CSF2RB: variants seen among roughly 807,000 people sequenced by gnomAD.
CSF2RB encodes colony stimulating factor 2 receptor subunit beta.
A neutral mutation model predicts 67.2 loss-of-function variants in CSF2RB; 22 were observed. The observed-to-expected ratio is 0.33, with a 90% CI of 0.23 to 0.47. CSF2RB has a LOEUF of 0.47. CSF2RB is among the 20% of genes least tolerant of loss of function. CSF2RB has a pLI of 1.00. For synonymous variants in CSF2RB, 507 were observed against 482.9 expected (o/e 1.05, Z -0.65); for missense variants, 1,113 against 1,174.5 (o/e 0.95, Z 0.76).
In CSF2RB at chr22:36,938,712, C is replaced by T. The variant is rs1025034097; in HGVS notation, c.*210C>T. 1.0e-5 allele frequency: 6 copies of T among 577,942 alleles called. No homozygotes were observed. The highest frequency in any genetic ancestry group is 1.8e-5 in the Non-Finnish European group (6 of 328,648). The allele number at this position is 577,942 out of a possible 1,614,324, so 35.8% of individuals were successfully genotyped here. A position where few individuals can be genotyped will look rare whatever the true frequency, so the allele number is the denominator to read the frequency against. On this transcript the variant is annotated 3_prime_UTR_variant, in exon 14 of 14. Coordinates refer to ENST00000403662, the MANE Select transcript of CSF2RB (RefSeq NM_000395.3). The stretch of plus-strand genomic sequence containing the variant: ...ACACAGACACACACACACACACGTA[C>T]ATGCACACATTTTTCCTGTCAGGTT...
At chr22:36,934,060 A>T (rs1302941657) in intron 10 of CSF2RB, 66 bp downstream of exon 10, 2 of 1,591,464 alleles carry the variant, frequency 1.3e-6, no homozygotes, top group East Asian at 4.5e-5. Context: ...CTGCCAGAAA[A>T]TCCCCAATGC....
chr22:36,929,946 G>C, intron 6 of CSF2RB, 139 bp downstream of exon 6: 1 of 1,190,836 alleles, frequency 8.4e-7, no homozygotes, highest in Non-Finnish European at 1.2e-6. Context: ...GCGTCCCTGG[G>C]CCGTCCCACC....
chr22:36,918,432 C>T (rs1940773044), intron 1 of CSF2RB, among the ~76,000 whole-genome samples: 1 of 151,810 alleles, frequency 6.6e-6, no homozygotes, highest in Admixed American at 6.6e-5. Flanking sequence ...CTTCTGGAAG[C>T]ATTTCTGGGA....
Position 36,938,807 on chromosome 22 carries a change from T to A in CSF2RB, c.*305T>A, listed in dbSNP as rs1172313836. ...TCATTCCATCTCCCCCTCATTTTTT[T>A]AATCAGGTTTCCTTGCTTTTGCCAT... On this transcript the variant is annotated 3_prime_UTR_variant, in exon 14 of 14. Transcript: ENST00000403662. The A allele has an allele frequency of 1.8e-5, 10 of 546,732 alleles. No individual in the cohort carries two copies. Among genetic ancestry groups the A allele is most frequent in the Middle Eastern group, 4.7e-4 (1 of 2,142 alleles). The allele number at this position is 546,732 out of a possible 1,614,324, so 33.9% of individuals were successfully genotyped here.
At chr22:36,917,513 C>T in intron 1 of CSF2RB, among the ~76,000 whole-genome samples, 1 of 152,212 alleles carries the variant, frequency 6.6e-6, no homozygotes, top group Non-Finnish European at 1.5e-5. Flanking sequence ...TCTTTTCTCT[C>T]TCTTCCTTTC....
chr22:36,923,197 G>T, intron 2 of CSF2RB, 47 bp from the exon 3 acceptor site: 1 of 1,613,854 alleles, frequency 6.2e-7, no homozygotes, highest in Non-Finnish European at 8.5e-7. Context: ...TGGTGACAAG[G>T]GTCCCTGCAG....
intron 1 of CSF2RB, among the ~76,000 whole-genome samples, chr22:36,916,568 T>G (rs2145764854): frequency 6.6e-6 from 1 of 152,192 alleles, no homozygotes; most frequent in Middle Eastern, 3.4e-3. Context: ...TTAGAATCAG[T>G]TTGCCAAGGC....
intron 6 of CSF2RB, among the ~76,000 whole-genome samples, 185 bp downstream of exon 6, chr22:36,929,992 T>G (rs1488446721): frequency 6.6e-6 from 1 of 152,238 alleles, no homozygotes; most frequent in African/African-American, 2.4e-5. Context: ...ACTCTGCATC[T>G]GTTCACTTTG....
Position 36,929,762 on chromosome 22 carries a change from C to T in CSF2RB, c.673C>T (p.Arg225Cys), listed in dbSNP as rs145546133. 5.0e-6 allele frequency: 8 copies of T among 1,613,990 alleles called. No individual in the cohort carries two copies. The highest frequency in any genetic ancestry group is 1.3e-5 in the African/African-American group (1 of 74,932). ...GGCCCCAGGTTCTCGGCTCTCAGGA[C>T]GTCCCAGCAAGTGGAGCCCAGAGGT... ...RLAPGSRLSG[R>C]PSKWSPEVCW... is the part of the protein sequence containing the mutation. Residue 225 changes from arginine to cysteine, a missense_variant, in exon 6 of 14, where the codon CGT (arginine) becomes TGT (cysteine). Arg to Cys is a radical substitution (Grantham distance 180). Transcript: ENST00000403662.
Position 36,930,849 on chromosome 22 carries a change from C to G in CSF2RB, c.1012+19C>G, listed in dbSNP as rs778878463. 1.9e-5 allele frequency: 31 copies of G among 1,613,874 alleles called. No homozygotes were observed. Among genetic ancestry groups the G allele is most frequent in the Non-Finnish European group, 2.6e-5 (31 of 1,179,976 alleles). On this transcript the variant is annotated intron_variant, in intron 8 of 13. Coordinates refer to ENST00000403662, the MANE Select transcript of CSF2RB (RefSeq NM_000395.3). ...GTGAACAGTGAGTTTGCTCCTAGCC[C>G]GCTGTGGGGATGGTCTGGGACCAGC...
At chr22:36,935,280 C>G in intron 10 of CSF2RB, 71 bp from the exon 11 acceptor site, 1 of 1,431,380 alleles carries the variant, frequency 7.0e-7, no homozygotes, top group Non-Finnish European at 9.8e-7. Flanking sequence ...CTGCACCAAC[C>G]CCACTCCCTG....
In CSF2RB at chr22:36,937,651, G is replaced by A. The variant is rs1240677905; in HGVS notation, c.1843G>A (p.Gly615Ser). The A allele has an allele frequency of 1.9e-6, 3 of 1,556,438 alleles. No homozygotes were observed. Among genetic ancestry groups the A allele is most frequent in the African/African-American group, 1.4e-5 (1 of 73,464 alleles). ...ILGQPEPPQE[G>S]GSQKSPPPGS... is the part of the protein sequence containing the mutation. ...GGGCCAGCCGGAGCCCCCACAGGAG[G>A]GTGGGAGCCAGAAGTCCCCACCTCC... Residue 615 changes from glycine (G) to serine (S), a missense_variant, in exon 14 of 14, where the codon GGT (glycine) becomes AGT (serine). Physicochemically the swap from Gly to Ser is moderately conservative, Grantham distance 56 (BLOSUM62 0). Transcript: ENST00000403662. The surrounding 1 kb of genome is among the most constrained non-coding windows in gnomAD (Gnocchi z 4.6).
rs866832522 is a variant in CSF2RB at position 36,922,275 on chromosome 22, G to A, written c.68G>A (p.Gly23Glu). 7 of 1,575,904 alleles carry A rather than the reference G, an allele frequency of 4.4e-6. No individual in the cohort carries two copies. In the East Asian group the frequency reaches 1.6e-4, roughly 37 times the overall value. ...LALCWERSLA[G>E]AEETIPLQTL... ...CTGTGCTGGGAGCGCAGCCTGGCAG[G>A]GGCAGAAGGTGAGTCCCGTGGCTCC... Residue 23 changes from glycine (G) to glutamate (E), a missense_variant, in exon 2 of 14, where the codon GGG becomes GAG. By Grantham distance (98) the Gly-to-Glu change is moderately conservative (BLOSUM62 -2). Coordinates refer to ENST00000403662, the MANE Select transcript of CSF2RB (RefSeq NM_000395.3).
At chr22:36,936,455 C>T in intron 12 of CSF2RB, 94 bp from the exon 13 acceptor site, 1 of 921,932 alleles carries the variant, frequency 1.1e-6, no homozygotes, top group East Asian at 2.5e-5. Flanking sequence ...TGTCTGGGGG[C>T]TCCTTGAATC....
chr22:36,929,877 C>A (rs997758875), intron 6 of CSF2RB, 70 bp downstream of exon 6: 2 of 1,553,340 alleles, frequency 1.3e-6, no homozygotes, highest in Non-Finnish European at 1.7e-6. Flanking sequence ...CCTGGCACAG[C>A]AGGGTTCCTG....
chr22:36,916,709 A>C (rs1322923792), intron 1 of CSF2RB, among the ~76,000 whole-genome samples: 1 of 152,086 alleles, frequency 6.6e-6, no homozygotes, highest in African/African-American at 2.4e-5. Flanking sequence ...AATACGAAAA[A>C]TTAGCCGGGT....
intron 1 of CSF2RB, among the ~76,000 whole-genome samples, chr22:36,921,242 G>C (rs866825430): frequency 4.0e-5 from 6 of 148,764 alleles, no homozygotes; most frequent in East Asian, 4.0e-4. Context: ...CTGTGTCTCT[G>C]TGTGTGTGTT....
At chr22:36,916,600 A>G (rs969425090) in intron 1 of CSF2RB, among the ~76,000 whole-genome samples, 4 of 152,066 alleles carry the variant, frequency 2.6e-5, no homozygotes, top group African/African-American at 9.7e-5. Flanking sequence ...GCTCATGCCT[A>G]TAATCCCAGC....
rs2145828606 is a variant in CSF2RB at position 36,938,202 on chromosome 22, A to G, written c.2394A>G (p.Glu798=). ...EAKSPVLNPG[E]RPADVSPTSP... Reference sequence around the variant, plus strand: ...AAAGCCCTGTCCTGAACCCAGGGGAACGCCCGGCAGATGTGTCCCCAACAT... The same window carrying G: ...AAAGCCCTGTCCTGAACCCAGGGGAGCGCCCGGCAGATGTGTCCCCAACAT... Residue 798 remains glutamate (E), a synonymous_variant, in exon 14 of 14, where the codon GAA becomes GAG. Coordinates refer to ENST00000403662, the MANE Select transcript of CSF2RB (RefSeq NM_000395.3). 1 of 1,614,092 alleles carries G rather than the reference A, an allele frequency of 6.2e-7. No individual in the cohort carries two copies. Among genetic ancestry groups the G allele is most frequent in the Non-Finnish European group, 8.5e-7 (1 of 1,179,992 alleles).
Sources: allele counts gnomAD v4.1 joint callset (sites outside exome capture counted in the v4.1 genomes callset), GRCh38; gene constraint gnomAD v4.1.1; non-coding constraint Gnocchi (gnomAD v3.1); transcripts MANE v1.5; gene names NCBI Gene and HGNC (gene_info 2026-07-23, HGNC 2026-07-21).